Variants in SLC35F1 observed in about 807,000 individuals in gnomAD.
SLC35F1 encodes the protein solute carrier family 35 member F1.
In SLC35F1, 14 loss-of-function variants were observed where a neutral mutation model predicts 48.7. The observed-to-expected ratio is 0.29, with a 90% CI of 0.19 to 0.45. The LOEUF is 0.45. Ranked by LOEUF, SLC35F1 falls within the 20% of genes least tolerant of loss-of-function variation. The pLI, the probability that SLC35F1 is intolerant of heterozygous loss-of-function variation, is 1.00. For missense variants in SLC35F1, 404 were observed against 500.0 expected (o/e 0.81, Z 1.83); for synonymous variants, 190 against 202.2 (o/e 0.94, Z 0.51).
chr6:118,077,185 A>C (rs1181881595), intron 1 of SLC35F1, among the ~76,000 whole-genome samples: 1 of 152,224 alleles, frequency 6.6e-6, no homozygotes, highest in African/African-American at 2.4e-5. Context: ...AAAGGCATCC[A>C]GGTGCAAAGT....
chr6:118,059,317 CAGA>C (rs1772504844), intron 1 of SLC35F1, among the ~76,000 whole-genome samples: 2 of 152,186 alleles, frequency 1.3e-5, no homozygotes, highest in African/African-American at 2.4e-5. Context: ...GGGAAAATGG[CAGA>C]AGAATACAAT....
intron 1 of SLC35F1, among the ~76,000 whole-genome samples, chr6:118,144,796 A>G (rs755125094): frequency 2.0e-5 from 3 of 152,140 alleles, no homozygotes; most frequent in Non-Finnish European, 4.4e-5. Flanking sequence ...AATTTTTAAC[A>G]TGTAAATTGA....
At chr6:118,042,980 G>A (rs530235297) in intron 1 of SLC35F1, among the ~76,000 whole-genome samples, 12 of 152,196 alleles carry the variant, frequency 7.9e-5, no homozygotes, top group African/African-American at 1.9e-4. Context: ...TTCCTGCAGC[G>A]CACCCCAGAC....
At chr6:118,114,716 CT>C (rs1419672837) in intron 1 of SLC35F1, among the ~76,000 whole-genome samples, 1 of 152,174 alleles carries the variant, frequency 6.6e-6, no homozygotes, top group Non-Finnish European at 1.5e-5. Context: ...CTTTTAGAAA[CT>C]CTTTCAACTC....
chr6:118,257,890 G>A (rs1375415704), intron 3 of SLC35F1, among the ~76,000 whole-genome samples: 2 of 152,160 alleles, frequency 1.3e-5, no homozygotes, highest in African/African-American at 2.4e-5. Context: ...TTAATTTGCA[G>A]AGCAGTTTTC....
At chr6:118,259,294 G>A (rs763224279) in intron 3 of SLC35F1, among the ~76,000 whole-genome samples, 4 of 151,890 alleles carry the variant, frequency 2.6e-5, no homozygotes, top group Admixed American at 6.6e-5. Flanking sequence ...CAAGTAAATA[G>A]CCACTAACTT....
intron 1 of SLC35F1, among the ~76,000 whole-genome samples, chr6:118,139,273 C>T (rs370709945): frequency 2.0e-5 from 3 of 152,016 alleles, no homozygotes; most frequent in Non-Finnish European, 2.9e-5. Context: ...CCACCATGCC[C>T]GGCTAATTTT....
At chr6:117,944,877 C>A (rs1407051867) in intron 1 of SLC35F1, among the ~76,000 whole-genome samples, 2 of 152,134 alleles carry the variant, frequency 1.3e-5, no homozygotes, top group Non-Finnish European at 2.9e-5. Context: ...AGTGCTTTTA[C>A]TGTGTTCCCA....
At position 118,236,243 on chromosome 6, in the gene SLC35F1, T is replaced by C. The variant is rs368556941; in HGVS notation, c.477+607T>C. Among the ~76,000 whole-genome samples, 65 of 152,246 alleles carry C rather than the reference T, an allele frequency of 4.3e-4. No homozygotes were observed. In the South Asian group the frequency reaches 0.012, roughly 27 times the overall value. On this transcript the variant is annotated intron_variant, in intron 3 of 7. Coordinates refer to ENST00000360388, the MANE Select transcript of SLC35F1 (RefSeq NM_001029858.4). ...CTTCCCTCTCCTTCTCTTTCTCACA[T>C]GAACACACACACACACAATTGCAAG...
chr6:117,941,821 C>T (rs777009719), intron 1 of SLC35F1, among the ~76,000 whole-genome samples: 25 of 152,184 alleles, frequency 1.6e-4, no homozygotes, highest in Non-Finnish European at 2.9e-4. Context: ...CCTGCTCCCC[C>T]AATCCCCGAT....
At chr6:118,076,949 C>T (rs966789030) in intron 1 of SLC35F1, among the ~76,000 whole-genome samples, 3 of 152,066 alleles carry the variant, frequency 2.0e-5, no homozygotes, top group South Asian at 2.1e-4. Context: ...TTTGTGCAAC[C>T]GTATTTTAGT....
intron 5 of SLC35F1, among the ~76,000 whole-genome samples, chr6:118,275,825 A>G (rs927647596): frequency 6.6e-6 from 1 of 152,186 alleles, no homozygotes; most frequent in African/African-American, 2.4e-5. Context: ...AAAACACTTA[A>G]TGTTTATAAA....
At chr6:118,206,194 T>C (rs1209296303) in intron 2 of SLC35F1, among the ~76,000 whole-genome samples, 3 of 152,224 alleles carry the variant, frequency 2.0e-5, no homozygotes, top group Admixed American at 2.0e-4. Flanking sequence ...TACATTTTTG[T>C]TTTAAAAGAA....
intron 1 of SLC35F1, among the ~76,000 whole-genome samples, chr6:117,923,668 C>CATATGT (rs1775949207): frequency 1.2e-4 from 4 of 32,722 alleles, no homozygotes; most frequent in Admixed American, 6.8e-4. Flanking sequence ...TGTATATATA[C>CATATGT]ATATATGTAC....
intron 1 of SLC35F1, among the ~76,000 whole-genome samples, chr6:117,937,869 G>A (rs144829217): frequency 6.6e-6 from 1 of 152,170 alleles, no homozygotes; most frequent in Non-Finnish European, 1.5e-5. Context: ...CCCTCTACTT[G>A]TCTTCACCCT....
At chr6:118,095,604 T>C (rs4946323) in intron 1 of SLC35F1, among the ~76,000 whole-genome samples, 84,853 of 151,986 alleles carry the variant, frequency 0.56, 24,720 homozygotes, top group East Asian at 0.86. Flanking sequence ...CATTACCTAA[T>C]GTGCCCTTGT....
chr6:118,283,203 T>C (rs1319594912), intron 6 of SLC35F1, among the ~76,000 whole-genome samples: 2 of 152,214 alleles, frequency 1.3e-5, no homozygotes, highest in Non-Finnish European at 1.5e-5. Flanking sequence ...GAACTTTTCA[T>C]GTGCAGGTTT....
intron 1 of SLC35F1, among the ~76,000 whole-genome samples, chr6:117,951,607 A>G (rs1370574738): frequency 2.6e-5 from 4 of 152,252 alleles, no homozygotes; most frequent in Non-Finnish European, 4.4e-5. Context: ...AGTTGAAGGC[A>G]TGATCTAATT....
chr6:118,277,418 G>A (rs1459844429), intron 5 of SLC35F1, 76 bp from the exon 6 acceptor site: 5 of 1,297,640 alleles, frequency 3.9e-6, no homozygotes, highest in Non-Finnish European at 5.6e-6. Flanking sequence ...CTGATAAGTG[G>A]GGGGGAAAAA....
Sources: allele counts gnomAD v4.1 joint callset (sites outside exome capture counted in the v4.1 genomes callset), GRCh38; gene constraint gnomAD v4.1.1; transcripts MANE v1.5; gene names NCBI Gene and HGNC (gene_info 2026-07-23, HGNC 2026-07-21).